The following UTY variants were observed in gnomAD, a reference collection of about 807,000 sequenced individuals.
UTY encodes histone demethylase UTY.
A neutral mutation model predicts 32.5 loss-of-function variants in UTY; 12 were observed. That is an observed-to-expected ratio of 0.37 (90% CI 0.24 to 0.60). UTY has a LOEUF of 0.60. Among genes scored for constraint, UTY ranks in the 20% least tolerant of loss-of-function variants. UTY has a pLI of 0.69. For synonymous variants in UTY, 131 were observed against 103.4 expected (o/e 1.27, Z -1.62); for missense variants, 303 against 299.2 (o/e 1.01, Z -0.09).
chrY:13,460,345 G>C, intron 3 of UTY, among the ~76,000 whole-genome samples: 1 of 33,348 alleles, frequency 3.0e-5, no homozygotes, highest in African/African-American at 1.2e-4. Context: ...AGGAGAAAAA[G>C]AAGTGGAAAA....
intron 3 of UTY, among the ~76,000 whole-genome samples, chrY:13,455,446 A>G: frequency 3.0e-5 from 1 of 33,174 alleles, no homozygotes; most frequent in Admixed American, 2.7e-4. Flanking sequence ...ATTTTAGAGT[A>G]AGGGTAAGAA....
chrY:13,326,498 G>A, intron 18 of UTY, 148 bp from the exon 19 acceptor site: 1 of 149,466 alleles, frequency 6.7e-6, no homozygotes, highest in Non-Finnish European at 1.2e-5. Context: ...AAAAAATTGA[G>A]GACTATTAAA....
At chrY:13,419,053 C>G in intron 4 of UTY, among the ~76,000 whole-genome samples, 2 of 33,091 alleles carry the variant, frequency 6.0e-5, no homozygotes, top group African/African-American at 2.4e-4. Flanking sequence ...TTACAACCTA[C>G]AAGGATGACA....
intron 4 of UTY, among the ~76,000 whole-genome samples, chrY:13,429,988 C>T (rs2073822915): frequency 1.2e-4 from 4 of 33,422 alleles, no homozygotes; most frequent in African/African-American, 4.7e-4. Context: ...TGAGGGCACA[C>T]CCTTCTATAA....
intron 2 of UTY, chrY:13,475,981 C>T: frequency 7.0e-6 from 1 of 142,541 alleles, no homozygotes; most frequent in Non-Finnish European, 8.9e-6. Context: ...TGAGGTGAGA[C>T]CGCACTATTC....
At chrY:13,306,720 A>G (rs2058711318) in intron 21 of UTY, among the ~76,000 whole-genome samples, 1 of 32,337 alleles carries the variant, frequency 3.1e-5, no homozygotes, top group South Asian at 6.8e-4. Flanking sequence ...TTTTTTTTTG[A>G]GCCGGAGCCT....
chrY:13,369,737 CTG>C (rs2064700076), intron 8 of UTY, among the ~76,000 whole-genome samples: 3 of 33,303 alleles, frequency 9.0e-5, no homozygotes, highest in African/African-American at 3.5e-4. Flanking sequence ...TAAAAAAAAT[CTG>C]TATCTCAAAT....
At chrY:13,274,794 T>A (rs2056571741) in intron 27 of UTY, among the ~76,000 whole-genome samples, 1 of 28,978 alleles carries the variant, frequency 3.5e-5, no homozygotes, top group African/African-American at 1.4e-4. Flanking sequence ...AAAAAATAAA[T>A]AAATAAATAA....
chrY:13,250,086 T>C, intron 29 of UTY, among the ~76,000 whole-genome samples: 1 of 33,482 alleles, frequency 3.0e-5, no homozygotes, highest in East Asian at 7.8e-4. Context: ...AATGGCGCGA[T>C]CTCGGCTCAC....
At chrY:13,454,146 C>G (rs2076558322) in intron 3 of UTY, among the ~76,000 whole-genome samples, 10 of 32,150 alleles carry the variant, frequency 3.1e-4, no homozygotes, top group Non-Finnish European at 5.3e-4. Flanking sequence ...CCCAGCTACT[C>G]AGGAGGCTGA....
chrY:13,295,445 A>G, intron 27 of UTY, among the ~76,000 whole-genome samples: 1 of 33,603 alleles, frequency 3.0e-5, no homozygotes, highest in Non-Finnish European at 7.4e-5. Flanking sequence ...AAATGTTAGC[A>G]TTGAATTTAG....
At chrY:13,398,636 A>C (rs962902890) in intron 6 of UTY, among the ~76,000 whole-genome samples, 1 of 33,542 alleles carries the variant, frequency 3.0e-5, no homozygotes, top group Non-Finnish European at 7.4e-5. Flanking sequence ...AAGAAAAAAA[A>C]CTTGTAAATT....
chrY:13,324,230 T>A (rs2060041631), intron 20 of UTY, among the ~76,000 whole-genome samples: 4 of 31,422 alleles, frequency 1.3e-4, no homozygotes, highest in African/African-American at 3.7e-4. Flanking sequence ...TTTTTTTTTT[T>A]AAAAAGGGGA....
chrY:13,413,699 C>T (rs2071288622), intron 5 of UTY, among the ~76,000 whole-genome samples: 1 of 34,938 alleles, frequency 2.9e-5, no homozygotes, highest in Admixed American at 2.5e-4. Context: ...CTGAAGGCAC[C>T]GTTGGTCCAG....
At chrY:13,327,007 G>C in intron 18 of UTY, among the ~76,000 whole-genome samples, 1 of 33,659 alleles carries the variant, frequency 3.0e-5, no homozygotes, top group Non-Finnish European at 7.4e-5. Context: ...GAAAGGTATA[G>C]TATTTGTTAA....
chrY:13,405,658 T>A, intron 6 of UTY, among the ~76,000 whole-genome samples: 1 of 32,984 alleles, frequency 3.0e-5, no homozygotes, highest in Non-Finnish European at 7.6e-5. Context: ...TACGTACACA[T>A]GTGTCAGCAG....
At chrY:13,421,437 T>A (rs2072531554) in intron 4 of UTY, among the ~76,000 whole-genome samples, 1 of 33,474 alleles carries the variant, frequency 3.0e-5, no homozygotes. Context: ...TAAATGATGA[T>A]TTATAGTATT....
At chrY:13,378,164 AG>A (rs2065614719) in intron 8 of UTY, among the ~76,000 whole-genome samples, 1 of 33,892 alleles carries the variant, frequency 3.0e-5, no homozygotes, top group Non-Finnish European at 7.3e-5. Context: ...AATAGATATA[AG>A]GGATGTCTAC....
chrY:13,413,344 T>A, intron 5 of UTY, among the ~76,000 whole-genome samples: 1 of 33,726 alleles, frequency 3.0e-5, no homozygotes, highest in Non-Finnish European at 7.4e-5. Context: ...CTGCCCTCTA[T>A]CCACACCGGG....
Sources: gnomAD v4.1 joint callset for allele counts (sites outside exome capture counted in the v4.1 genomes callset) on GRCh38, gnomAD v4.1.1 for gene constraint, MANE v1.5 for transcripts, NCBI Gene and HGNC (gene_info 2026-07-23, HGNC 2026-07-21) for gene names.